The following CREB3L2 variants were observed in gnomAD, a reference collection of about 807,000 sequenced individuals.
CREB3L2 encodes the protein cAMP responsive element binding protein 3 like 2.
A neutral mutation model predicts 57.2 loss-of-function variants in CREB3L2; 23 were observed. The observed-to-expected ratio is 0.40, with a 90% confidence interval of 0.29 to 0.57. The LOEUF (loss-of-function observed/expected upper bound fraction) is 0.57. Among genes scored for constraint, CREB3L2 ranks in the 20% least tolerant of loss-of-function variants. The pLI is 0.42. For missense variants in CREB3L2, 628 were observed against 634.7 expected (o/e 0.99, Z 0.11); for synonymous variants, 268 against 265.1 (o/e 1.01, Z -0.11).
rs752355520 is a variant in CREB3L2, at chr7:138,001,734, T to C, written c.-29A>G. 1.3e-6 allele frequency: 2 copies of C among 1,558,164 alleles called. No homozygotes were observed. The highest frequency in any genetic ancestry group is 1.7e-6 in the Non-Finnish European group (2 of 1,147,110). Reference sequence around the variant, plus strand: ...GGTGCGGGCCGCGCTGGGCCGAGGATGCTAAGCGCAGGAGGGGACGCGCAG... The same window carrying C: ...GGTGCGGGCCGCGCTGGGCCGAGGACGCTAAGCGCAGGAGGGGACGCGCAG... On this transcript the variant is annotated 5_prime_UTR_variant, in exon 1 of 12. Coordinates refer to ENST00000330387, the MANE Select transcript of CREB3L2 (RefSeq NM_194071.4). This position sits in a 1 kb window ranked among gnomAD's most constrained non-coding sequence, Gnocchi z 4.2.
intron 1 of CREB3L2, among the ~76,000 whole-genome samples, chr7:137,989,087 A>G (rs1441031004): frequency 6.6e-6 from 1 of 152,256 alleles, no homozygotes; most frequent in Non-Finnish European, 1.5e-5. Flanking sequence ...GCCAATTTTG[A>G]GGACTGATAT....
chr7:137,895,230 C>A (rs1283118084), intron 8 of CREB3L2, among the ~76,000 whole-genome samples: 1 of 152,184 alleles, frequency 6.6e-6, no homozygotes, highest in African/African-American at 2.4e-5. Context: ...AGGGATGAGA[C>A]CAGGGTGGGG....
At chr7:137,924,385 T>A (rs752328988) in intron 2 of CREB3L2, among the ~76,000 whole-genome samples, 4 of 152,220 alleles carry the variant, frequency 2.6e-5, no homozygotes, top group Non-Finnish European at 5.9e-5. Context: ...CATCCAGCAC[T>A]AGTTTCTTCT....
chr7:137,880,401 A>T lies in CREB3L2; in HGVS notation c.*75T>A. 1 of 1,245,468 alleles carries T rather than the reference A, an allele frequency of 8.0e-7. No homozygotes were observed. Among genetic ancestry groups the T allele is most frequent in the Non-Finnish European group, 1.2e-6 (1 of 859,530 alleles). 77.2% of individuals were successfully genotyped at this position (1,245,468 alleles called of 1,614,324 possible). A position where few individuals can be genotyped will look rare whatever the true frequency, so the allele number is the denominator to read the frequency against. ...CCATGAAGATCCAGTGGCAAAGAGG[A>T]AAAGCTGATGACAAAGGTGGTTTGG... On this transcript the variant is annotated 3_prime_UTR_variant, in exon 12 of 12. Transcript: ENST00000330387. The surrounding 1 kb of genome is among the most constrained non-coding windows in gnomAD (Gnocchi z 4.0).
intron 1 of CREB3L2, among the ~76,000 whole-genome samples, chr7:137,989,866 T>G (rs1801857542): frequency 6.6e-6 from 1 of 152,170 alleles, no homozygotes; most frequent in African/African-American, 2.4e-5. Flanking sequence ...ATAGCCCTCA[T>G]GCCCTGTAAT....
At chr7:137,942,194 C>T (rs977286283) in intron 1 of CREB3L2, among the ~76,000 whole-genome samples, 19 of 152,230 alleles carry the variant, frequency 1.2e-4, no homozygotes, top group African/African-American at 4.6e-4. Context: ...GCAAACTTCT[C>T]ATTCAAACTT....
intron 1 of CREB3L2, among the ~76,000 whole-genome samples, chr7:137,952,890 T>C (rs1173302578): frequency 6.6e-6 from 1 of 152,196 alleles, no homozygotes; most frequent in African/African-American, 2.4e-5. Flanking sequence ...TGATCTTGGC[T>C]CACTACAACC....
At chr7:137,953,460 GTA>G (rs1563264349) in intron 1 of CREB3L2, 2 of 1,288,722 alleles carry the variant, frequency 1.6e-6, no homozygotes, top group South Asian at 2.5e-5. Context: ...TGCTGTTGGT[GTA>G]TGTTAAATGT....
chr7:137,899,728 T>G (rs1799713354), intron 8 of CREB3L2, among the ~76,000 whole-genome samples: 1 of 152,218 alleles, frequency 6.6e-6, no homozygotes, highest in South Asian at 2.1e-4. Context: ...TGGGGTGAAC[T>G]GCCCCTGACT....
intron 5 of CREB3L2, among the ~76,000 whole-genome samples, chr7:137,906,123 G>A (rs968827997): frequency 7.9e-5 from 12 of 152,106 alleles, no homozygotes; most frequent in African/African-American, 1.2e-4. Context: ...CACCCTACTC[G>A]CTAAAACATG....
rs6976928 is a variant in CREB3L2 at position 137,877,861 on chromosome 7, C to T, written c.*2615G>A. 21,064 of 228,212 alleles carry T rather than the reference C, an allele frequency of 0.092. 2,995 individuals are homozygous for T. Among genetic ancestry groups the T allele is most frequent in the African/African-American group, 0.34 (15,513 of 45,048 alleles). 14.1% of individuals were successfully genotyped at this position (228,212 alleles called of 1,614,324 possible). ...CAGAAAATGTGCACACATCCATTAA[C>T]TATTTGGAACCAATCTGGTGCTATA... is the stretch of plus-strand genomic sequence containing the variant. On this transcript the variant is annotated 3_prime_UTR_variant, in exon 12 of 12. Coordinates refer to ENST00000330387, the MANE Select transcript of CREB3L2 (RefSeq NM_194071.4).
chr7:137,900,209 T>A (rs2117197683), intron 8 of CREB3L2, among the ~76,000 whole-genome samples: 1 of 152,296 alleles, frequency 6.6e-6, no homozygotes. Flanking sequence ...TCCTCCCACA[T>A]CCAGGCTCCA....
At chr7:137,974,011 T>C (rs1490411211) in intron 1 of CREB3L2, among the ~76,000 whole-genome samples, 1 of 151,682 alleles carries the variant, frequency 6.6e-6, no homozygotes, top group Non-Finnish European at 1.5e-5. Context: ...GAAATATCCA[T>C]ATTATAAAGT....
chr7:137,879,712 T>G lies in CREB3L2; in HGVS notation c.*764A>C. ...GAGGCATCGATCTCTTCAGTGTGGT[T>G]GCTAGCAGGAAGCCTCGGCAAGCTA... On this transcript the variant is annotated 3_prime_UTR_variant, in exon 12 of 12. Transcript: ENST00000330387. 4.2e-6 allele frequency: 1 copy of G among 236,060 alleles called. No homozygotes were observed. Among genetic ancestry groups the G allele is most frequent in the Non-Finnish European group, 8.3e-6 (1 of 119,810 alleles). The allele number at this position is 236,060 out of a possible 1,614,324, so 14.6% of individuals were successfully genotyped here.
chr7:137,889,837 A>G (rs936929227), intron 8 of CREB3L2, among the ~76,000 whole-genome samples: 4 of 152,208 alleles, frequency 2.6e-5, no homozygotes, highest in African/African-American at 9.6e-5. Flanking sequence ...CTGAGTGCCT[A>G]CTACTTGAGT....
intron 1 of CREB3L2, among the ~76,000 whole-genome samples, chr7:137,939,302 G>A (rs561924683): frequency 2.6e-5 from 4 of 152,308 alleles, no homozygotes; most frequent in African/African-American, 9.6e-5. Flanking sequence ...GCAGCCTGGA[G>A]TAGGGCAGGA....
At chr7:137,947,272 T>C (rs577849930) in intron 1 of CREB3L2, among the ~76,000 whole-genome samples, 2 of 151,934 alleles carry the variant, frequency 1.3e-5, no homozygotes, top group East Asian at 1.9e-4. Context: ...CTGTGGTATT[T>C]TGTTATGGCA....
chr7:137,892,277 A>G (rs1338300312), intron 8 of CREB3L2, among the ~76,000 whole-genome samples: 1 of 152,004 alleles, frequency 6.6e-6, no homozygotes, highest in Non-Finnish European at 1.5e-5. Context: ...TGTGCCATTT[A>G]CACTACATAA....
chr7:137,895,650 A>AAAG (rs1554494379), intron 8 of CREB3L2, among the ~76,000 whole-genome samples: 1 of 150,202 alleles, frequency 6.7e-6, no homozygotes, highest in South Asian at 2.1e-4. Context: ...TACAAAAAAA[A>AAAG]AAAGAAAGAA....
Sources: allele counts gnomAD v4.1 joint callset (sites outside exome capture counted in the v4.1 genomes callset), GRCh38; gene constraint gnomAD v4.1.1; non-coding constraint Gnocchi (gnomAD v3.1); transcripts MANE v1.5; gene names NCBI Gene and HGNC (gene_info 2026-07-23, HGNC 2026-07-21).